Variants in MAP3K5 observed in about 807,000 individuals in gnomAD.
MAP3K5 encodes the protein mitogen-activated protein kinase kinase kinase 5.
Under a neutral mutation model 158.7 loss-of-function variants are expected in MAP3K5, and 56 were observed. The ratio of observed to expected loss-of-function variants is 0.35; its 90% CI spans 0.28 to 0.44. MAP3K5 has a LOEUF of 0.44. MAP3K5 is among the 20% of genes least tolerant of loss of function. The pLI is 1.00. For missense variants in MAP3K5, 1,294 were observed against 1,674.8 expected (o/e 0.77, Z 3.97); for synonymous variants, 579 against 601.7 (o/e 0.96, Z 0.55).
chr6:136,784,317 T>A (rs1253339959), intron 1 of MAP3K5, among the ~76,000 whole-genome samples: 2 of 152,118 alleles, frequency 1.3e-5, no homozygotes, highest in East Asian at 3.9e-4. Context: ...TGCTCTGGAG[T>A]TTTCTTTTTG....
At chr6:136,608,069 G>A (rs1776176600) in intron 18 of MAP3K5, among the ~76,000 whole-genome samples, 2 of 152,106 alleles carry the variant, frequency 1.3e-5, no homozygotes, top group African/African-American at 2.4e-5. Flanking sequence ...CTGGGGTAGC[G>A]GCAGGAGGAA....
intron 26 of MAP3K5, among the ~76,000 whole-genome samples, chr6:136,564,706 T>G (rs183542175): frequency 3.9e-5 from 6 of 152,348 alleles, no homozygotes; most frequent in Admixed American, 3.9e-4. Context: ...TTTGTTAAAG[T>G]GAATGAAATA....
chr6:136,560,168 G>A (rs1423645685), intron 28 of MAP3K5, among the ~76,000 whole-genome samples: 1 of 152,066 alleles, frequency 6.6e-6, no homozygotes, highest in Non-Finnish European at 1.5e-5. Context: ...ATAAACAAAT[G>A]CTATTCACGC....
intron 7 of MAP3K5, among the ~76,000 whole-genome samples, chr6:136,682,115 G>A (rs1034715933): frequency 1.3e-5 from 2 of 152,088 alleles, no homozygotes; most frequent in Admixed American, 6.6e-5. Context: ...TGGAACTAGC[G>A]ATCCCTTAGG....
At chr6:136,750,485 A>G (rs916988367) in intron 1 of MAP3K5, among the ~76,000 whole-genome samples, 16 of 152,346 alleles carry the variant, frequency 1.1e-4, no homozygotes, top group African/African-American at 2.6e-4. Context: ...GGTGTTTTGC[A>G]GGACTGCTGA....
At chr6:136,685,868 G>C (rs1167766730) in intron 7 of MAP3K5, among the ~76,000 whole-genome samples, 1 of 152,182 alleles carries the variant, frequency 6.6e-6, no homozygotes, top group Non-Finnish European at 1.5e-5. Flanking sequence ...CCAGATGCCT[G>C]ACAACCTCAG....
chr6:136,756,149 A>G (rs903442383), intron 1 of MAP3K5, among the ~76,000 whole-genome samples: 4 of 151,634 alleles, frequency 2.6e-5, no homozygotes, highest in Non-Finnish European at 5.9e-5. Flanking sequence ...TCTACAGAAA[A>G]AAAAAAAACA....
In MAP3K5 at chr6:136,609,201, G is replaced by C. The variant is rs752510458; in HGVS notation, c.2521+2081C>G. 2.6e-5 allele frequency among the ~76,000 whole-genome samples: 4 copies of C among 152,186 alleles called. No individual in the cohort carries two copies. Among genetic ancestry groups the C allele is most frequent in the Non-Finnish European group, 5.9e-5 (4 of 68,020 alleles). ...TTCCTCTCAGAAATTACTGAGTCTT[G>C]ACAGCACTGAAACTGCTGCTTGCCA... is the stretch of plus-strand genomic sequence containing the variant. On this transcript the variant is annotated intron_variant, in intron 18 of 29. Transcript: ENST00000359015. This position sits in a 1 kb window ranked among gnomAD's most constrained non-coding sequence, Gnocchi z 4.4.
At chr6:136,750,419 A>G (rs1783154275) in intron 1 of MAP3K5, among the ~76,000 whole-genome samples, 1 of 152,170 alleles carries the variant, frequency 6.6e-6, no homozygotes, top group Non-Finnish European at 1.5e-5. Context: ...GATTAGTTCA[A>G]AAACATTTCC....
chr6:136,592,829 C>T (rs1453924102), intron 21 of MAP3K5: 1 of 613,104 alleles, frequency 1.6e-6, no homozygotes, highest in East Asian at 3.4e-5. Context: ...CCTCCCAGGC[C>T]CTGGGAGGGA....
intron 9 of MAP3K5, 150 bp from the exon 10 acceptor site, chr6:136,656,610 G>A (rs759613531): frequency 5.7e-5 from 32 of 557,308 alleles, no homozygotes; most frequent in Non-Finnish European, 8.1e-5. Context: ...GTTGCATATC[G>A]TGTGTTTTCA....
chr6:136,733,769 T>C (rs1425035466), intron 1 of MAP3K5, among the ~76,000 whole-genome samples: 1 of 137,268 alleles, frequency 7.3e-6, no homozygotes, highest in Non-Finnish European at 1.5e-5. Flanking sequence ...GGTACATTTT[T>C]TACAACTGAT....
At position 136,778,789 on chromosome 6, in the gene MAP3K5, GT is replaced by G. The variant is rs1320317849; in HGVS notation, c.448+12920del. Among the ~76,000 whole-genome samples the G allele has an allele frequency of 7.9e-5, 12 of 152,304 alleles. No individual in the cohort carries two copies. The East Asian group carries it at 2.3e-3, about 29-fold the overall frequency. On this transcript the variant is annotated intron_variant, in intron 1 of 29. Coordinates refer to ENST00000359015, the MANE Select transcript of MAP3K5 (RefSeq NM_005923.4). ...GACACTGAGACCACTGTTGGTAACA[GT>G]TTCAGGGTCTCAGTTTTTGTTTCCC... is the stretch of plus-strand genomic sequence containing the variant.
At chr6:136,740,259 G>A (rs975493804) in intron 1 of MAP3K5, among the ~76,000 whole-genome samples, 1 of 152,198 alleles carries the variant, frequency 6.6e-6, no homozygotes, top group African/African-American at 2.4e-5. Flanking sequence ...CGGGGCTGGG[G>A]ACGGGGGAGG....
At chr6:136,592,754 GGT>G in intron 21 of MAP3K5, 140 bp from the exon 22 acceptor site, 1 of 800,720 alleles carries the variant, frequency 1.2e-6, no homozygotes, top group South Asian at 1.4e-5. Flanking sequence ...GTAAGGGAAC[GGT>G]CATGTGTTAT....
At chr6:136,596,180 G>A (rs924130969) in intron 21 of MAP3K5, among the ~76,000 whole-genome samples, 1 of 152,140 alleles carries the variant, frequency 6.6e-6, no homozygotes, top group African/African-American at 2.4e-5. Context: ...AGGAAAAGAA[G>A]GGGATGAACA....
chr6:136,722,992 T>A (rs1781810429), intron 1 of MAP3K5, among the ~76,000 whole-genome samples: 1 of 152,112 alleles, frequency 6.6e-6, no homozygotes, highest in Admixed American at 6.6e-5. Context: ...CCCAGCCAAG[T>A]GTAAACTTTC....
intron 25 of MAP3K5, among the ~76,000 whole-genome samples, chr6:136,570,852 T>C (rs1189617830): frequency 6.6e-6 from 1 of 152,236 alleles, no homozygotes; most frequent in Non-Finnish European, 1.5e-5. Flanking sequence ...TCTGTTTCTA[T>C]GAATTTGACT....
chr6:136,641,369 T>C (rs895372827), intron 12 of MAP3K5, among the ~76,000 whole-genome samples: 3 of 152,202 alleles, frequency 2.0e-5, no homozygotes, highest in African/African-American at 7.2e-5. Flanking sequence ...CAAAAATCTG[T>C]TGTCTCTCAT....
Sources: gnomAD v4.1 joint callset for allele counts (sites outside exome capture counted in the v4.1 genomes callset) on GRCh38, gnomAD v4.1.1 for gene constraint, Gnocchi (gnomAD v3.1) non-coding constraint, MANE v1.5 for transcripts, NCBI Gene and HGNC (gene_info 2026-07-23, HGNC 2026-07-21) for gene names.